The following MAST4 variants were observed in gnomAD, a reference collection of about 807,000 sequenced individuals.
The protein encoded by MAST4 is microtubule associated serine/threonine kinase family member 4, also known as microtubule-associated serine/threonine-protein kinase 4.
A neutral mutation model predicts 162.7 loss-of-function variants in MAST4; 89 were observed. The ratio of observed to expected loss-of-function variants is 0.55; its 90% CI spans 0.46 to 0.65. The LOEUF is 0.65. Among genes scored for constraint, MAST4 ranks in the 30% least tolerant of loss-of-function variants. The pLI is 0.00. For synonymous variants in MAST4, 1,479 were observed against 1,361.1 expected (o/e 1.09, Z -1.91); for missense variants, 3,153 against 3,374.0 (o/e 0.93, Z 1.62).
intron 4 of MAST4, among the ~76,000 whole-genome samples, chr5:66,962,291 T>C (rs1746112190): frequency 6.6e-6 from 1 of 152,218 alleles, no homozygotes; most frequent in African/African-American, 2.4e-5. Context: ...AGAAACTCTC[T>C]GCACTAGCCA....
chr5:66,679,909 G>T (rs538933753), intron 1 of MAST4, among the ~76,000 whole-genome samples: 1 of 152,232 alleles, frequency 6.6e-6, no homozygotes, highest in East Asian at 1.9e-4. Context: ...ACTGAGCTCA[G>T]TGTACACTTT....
At chr5:67,117,635 G>A (rs1767074473) in intron 12 of MAST4, among the ~76,000 whole-genome samples, 2 of 151,674 alleles carry the variant, frequency 1.3e-5, no homozygotes, top group African/African-American at 4.8e-5. Context: ...GTTCAATTTT[G>A]AAAAATTGGA....
intron 11 of MAST4, among the ~76,000 whole-genome samples, chr5:67,112,571 C>T (rs998695252): frequency 6.6e-6 from 1 of 152,092 alleles, no homozygotes; most frequent in Non-Finnish European, 1.5e-5. Flanking sequence ...TAGAGTGGTT[C>T]ACAGAACTCA....
chr5:66,950,200 A>G (rs1460263197), intron 4 of MAST4, among the ~76,000 whole-genome samples: 3 of 152,036 alleles, frequency 2.0e-5, no homozygotes, highest in Middle Eastern at 6.8e-3. Flanking sequence ...AAGTAGAGTC[A>G]TAGGGTAAGT....
chr5:66,814,049 G>A (rs1263007747), intron 3 of MAST4, among the ~76,000 whole-genome samples: 1 of 152,140 alleles, frequency 6.6e-6, no homozygotes, highest in East Asian at 1.9e-4. Context: ...TGATCCGGGG[G>A]ACCTGTGTGG....
At chr5:66,748,406 T>G (rs955024798) in intron 1 of MAST4, among the ~76,000 whole-genome samples, 1 of 148,550 alleles carries the variant, frequency 6.7e-6, no homozygotes. Flanking sequence ...CCTTCCTTCT[T>G]TCCTTCCTCC....
intron 4 of MAST4, among the ~76,000 whole-genome samples, chr5:66,982,483 C>T (rs980740007): frequency 6.6e-6 from 1 of 151,988 alleles, no homozygotes; most frequent in African/African-American, 2.4e-5. Context: ...TTTCTGAAGC[C>T]ACCGTGACAA....
intron 6 of MAST4, chr5:67,094,053 A>G (rs1032716467): frequency 4.7e-5 from 29 of 615,788 alleles, no homozygotes; most frequent in Admixed American, 9.9e-5. Context: ...TCAAAAGAAC[A>G]TATAATTTAT....
intron 3 of MAST4, among the ~76,000 whole-genome samples, chr5:66,891,645 G>T (rs1762371345): frequency 6.6e-6 from 1 of 152,048 alleles, no homozygotes; most frequent in Admixed American, 6.5e-5. Flanking sequence ...CAGCCATGTT[G>T]TTTCCTGAGT....
At chr5:66,906,687 A>G (rs750481422) in intron 4 of MAST4, among the ~76,000 whole-genome samples, 12 of 152,206 alleles carry the variant, frequency 7.9e-5, no homozygotes, top group Non-Finnish European at 1.3e-4. Flanking sequence ...GCAGAAGACA[A>G]TTCATTAATG....
chr5:66,596,898 G>A lies in MAST4; in HGVS notation c.243G>A (p.Trp81Ter). The change falls in exon 1 of 29, where the codon TGG becomes TGA. Residue 81 changes from tryptophan to a stop codon, truncating the protein, a stop_gained. Coordinates refer to ENST00000403625, the MANE Select transcript of MAST4 (RefSeq NM_001164664.2). LOFTEE classifies it high-confidence loss of function. Reference protein sequence around the residue: ...GTLGARAPAAWAPASVLLERG... With the variant: ...GTLGARAPAA The stretch of plus-strand genomic sequence containing the variant: ...TGGGCGCCCGGGCGCCCGCCGCGTG[G>A]GCTCCGGCAAGCGTGCTGCTGGAGC... 3 of 1,283,950 alleles carry A rather than the reference G, an allele frequency of 2.3e-6. No homozygotes were observed. The highest frequency in any genetic ancestry group is 3.0e-6 in the Non-Finnish European group (3 of 1,013,444). 79.5% of individuals were successfully genotyped at this position (1,283,950 alleles called of 1,614,324 possible).
intron 26 of MAST4, among the ~76,000 whole-genome samples, chr5:67,156,911 G>T (rs181663060): frequency 6.6e-6 from 1 of 152,338 alleles, no homozygotes; most frequent in African/African-American, 2.4e-5. Context: ...TTCTGCTATT[G>T]TATTCAATTC....
intron 11 of MAST4, among the ~76,000 whole-genome samples, chr5:67,112,687 C>G (rs1766390476): frequency 1.3e-5 from 2 of 152,192 alleles, no homozygotes; most frequent in Non-Finnish European, 2.9e-5. Context: ...AGCTCCCTGG[C>G]TGCACTGCCT....
rs1013164108 is a variant in MAST4 at position 66,872,442 on chromosome 5, T to C, written c.643-27509T>C. On this transcript the variant is annotated intron_variant, in intron 3 of 28. Coordinates refer to ENST00000403625, the MANE Select transcript of MAST4 (RefSeq NM_001164664.2). The stretch of plus-strand genomic sequence containing the variant: ...GCCTCGGCCTCCCAAAGTACTGGGA[T>C]TACAGGCGGGAGCCACCACACCTGG... Among the ~76,000 whole-genome samples the C allele has an allele frequency of 2.6e-5, 4 of 152,158 alleles. No homozygotes were observed. The East Asian group carries it at 7.7e-4, about 29-fold the overall frequency.
chr5:66,609,392 CTTTT>C (rs373893029), intron 1 of MAST4, among the ~76,000 whole-genome samples: 1 of 128,620 alleles, frequency 7.8e-6, no homozygotes, highest in Non-Finnish European at 1.6e-5. Context: ...CAATGCACTA[CTTTT>C]TTTTTTTTTT....
intron 1 of MAST4, among the ~76,000 whole-genome samples, chr5:66,667,310 C>T (rs751546041): frequency 2.6e-5 from 4 of 152,066 alleles, no homozygotes; most frequent in Non-Finnish European, 5.9e-5. Context: ...TCAGATGGCC[C>T]CTCATTCACA....
chr5:66,768,222 T>C (rs1754191911), intron 2 of MAST4, among the ~76,000 whole-genome samples: 1 of 152,316 alleles, frequency 6.6e-6, no homozygotes, highest in Non-Finnish European at 1.5e-5. Flanking sequence ...TCCATCTTAA[T>C]GCGGGAGTCA....
rs150213181 is a variant in MAST4, at chr5:66,695,531, G to C, written c.364-64178G>C. Reference sequence around the variant, plus strand: ...TTGGTTCCATATGAATTTTAAAGTAGTTTTTTTTCTAATTATGTGAAGAAT... The same window carrying C: ...TTGGTTCCATATGAATTTTAAAGTACTTTTTTTTCTAATTATGTGAAGAAT... On this transcript the variant is annotated intron_variant, in intron 1 of 28. Transcript: ENST00000403625. Among the ~76,000 whole-genome samples the C allele has an allele frequency of 4.4e-4, 67 of 151,874 alleles. 1 individual carries two copies. The highest frequency in any genetic ancestry group is 1.4e-3 in the African/African-American group (60 of 41,406).
intron 1 of MAST4, among the ~76,000 whole-genome samples, chr5:66,682,450 A>C (rs1408301012): frequency 6.6e-6 from 1 of 152,230 alleles, no homozygotes; most frequent in Non-Finnish European, 1.5e-5. Context: ...GCTGAGCTGA[A>C]GATAAAGATG....
Sources: gnomAD v4.1 joint callset for allele counts (sites outside exome capture counted in the v4.1 genomes callset) on GRCh38, gnomAD v4.1.1 for gene constraint, MANE v1.5 for transcripts, NCBI Gene and HGNC (gene_info 2026-07-23, HGNC 2026-07-21) for gene names.